Variants in TMC5 observed in about 807,000 individuals in gnomAD.
The protein encoded by TMC5 is transmembrane channel like 5, also known as transmembrane channel-like protein 5.
TMC5 carries 86 observed loss-of-function variants against 110.5 expected under a neutral mutation model. The observed-to-expected ratio is 0.78, with a 90% confidence interval of 0.65 to 0.93. TMC5 has a LOEUF of 0.93. Among genes scored for constraint, TMC5 ranks in the 40% least tolerant of loss-of-function variants. TMC5 has a pLI of 0.00. For missense variants in TMC5, 1,144 were observed against 1,222.8 expected (o/e 0.94, Z 0.96); for synonymous variants, 455 against 439.5 (o/e 1.04, Z -0.44).
At chr16:19,424,710 A>G (rs1222700095) in intron 1 of TMC5, among the ~76,000 whole-genome samples, 1 of 152,166 alleles carries the variant, frequency 6.6e-6, no homozygotes, top group Non-Finnish European at 1.5e-5. Flanking sequence ...TACACAGGGT[A>G]AGTTCCAGAA....
At chr16:19,415,163 T>C (rs1179246655), upstream of TMC5, among the ~76,000 whole-genome samples, 1 of 152,198 alleles carries the variant, frequency 6.6e-6, no homozygotes, top group African/African-American at 2.4e-5. Flanking sequence ...TAATTACAGT[T>C]TATAGGGCAT....
At chr16:19,452,549 T>A (rs1967773515) in intron 5 of TMC5, among the ~76,000 whole-genome samples, 1 of 151,538 alleles carries the variant, frequency 6.6e-6, no homozygotes, top group African/African-American at 2.4e-5. Flanking sequence ...AAACCCCGTC[T>A]CTACTAAAAA....
chr16:19,479,234 AC>A (rs1268566781), intron 13 of TMC5, among the ~76,000 whole-genome samples, 196 bp from the exon 14 acceptor site: 1 of 152,098 alleles, frequency 6.6e-6, no homozygotes, highest in Admixed American at 6.6e-5. Flanking sequence ...AAAGAAGGAA[AC>A]CCAAAAGAGA....
intron 1 of TMC5, chr16:19,411,348 C>T (rs1331188374): frequency 6.6e-6 from 1 of 152,160 alleles, no homozygotes; most frequent in Non-Finnish European, 1.5e-5. Flanking sequence ...AGACTTCCCT[C>T]ACAGAGATTC....
chr16:19,463,684 A>G (rs1392130511), intron 7 of TMC5, 92 bp from the exon 8 acceptor site: 1 of 1,462,328 alleles, frequency 6.8e-7, no homozygotes, highest in Non-Finnish European at 9.3e-7. Flanking sequence ...AATACTCCAG[A>G]CATGGTGGCT....
intron 12 of TMC5, 78 bp from the exon 13 acceptor site, chr16:19,477,362 T>G (rs1363254639): frequency 9.4e-7 from 1 of 1,066,442 alleles, no homozygotes; most frequent in African/African-American, 1.6e-5. Context: ...TCTTACCATG[T>G]GCCCCAAAGG....
At chr16:19,488,102 C>T (rs77606876) in intron 17 of TMC5, among the ~76,000 whole-genome samples, 6,750 of 151,844 alleles carry the variant, frequency 0.044, 265 homozygotes, top group East Asian at 0.18. Context: ...ATAAAGGGGG[C>T]GGTTGCGGGT....
At chr16:19,468,349 C>T (rs1968240210) in intron 9 of TMC5, among the ~76,000 whole-genome samples, 1 of 152,128 alleles carries the variant, frequency 6.6e-6, no homozygotes, top group Non-Finnish European at 1.5e-5. Flanking sequence ...TCTTGTGCAG[C>T]ATTTTTGTGT....
At chr16:19,475,403 CAG>C (rs1428278792) in intron 12 of TMC5, among the ~76,000 whole-genome samples, 1 of 150,774 alleles carries the variant, frequency 6.6e-6, no homozygotes, top group Non-Finnish European at 1.5e-5. Context: ...GCCTGGGTGA[CAG>C]AGAGAGACTC....
chr16:19,477,254 TAAAAA>T (rs370134303), intron 12 of TMC5, among the ~76,000 whole-genome samples, 181 bp from the exon 13 acceptor site: 5 of 145,086 alleles, frequency 3.4e-5, no homozygotes, highest in Admixed American at 6.9e-5. Flanking sequence ...TCTCAAAAAA[TAAAAA>T]AAAAAGAAGT....
At chr16:19,426,753 T>C (rs1230375396) in intron 1 of TMC5, among the ~76,000 whole-genome samples, 1 of 152,200 alleles carries the variant, frequency 6.6e-6, no homozygotes, top group Admixed American at 6.5e-5. Context: ...TTATTGCTTC[T>C]CTTTTCTTTT....
At chr16:19,486,605 G>A (rs774850609) in intron 15 of TMC5, among the ~76,000 whole-genome samples, 5 of 151,004 alleles carry the variant, frequency 3.3e-5, no homozygotes, top group African/African-American at 4.8e-5. Context: ...TTGAACTCCT[G>A]ACCTCAGGTG....
chr16:19,438,898 G>A (rs557568620), intron 2 of TMC5, among the ~76,000 whole-genome samples: 14 of 152,362 alleles, frequency 9.2e-5, no homozygotes, highest in Admixed American at 3.3e-4. Context: ...AGCCAGAATA[G>A]GTTCTGAGGG....
chr16:19,426,357 G>A (rs538876293), intron 1 of TMC5, among the ~76,000 whole-genome samples: 62 of 152,156 alleles, frequency 4.1e-4, no homozygotes, highest in Non-Finnish European at 5.7e-4. Flanking sequence ...CAGACCCGGT[G>A]GTAGAGAATA....
chr16:19,471,141 T>C (rs1454200651), intron 10 of TMC5, among the ~76,000 whole-genome samples: 3 of 152,036 alleles, frequency 2.0e-5, no homozygotes, highest in East Asian at 1.9e-4. Flanking sequence ...CAAGCTGGAG[T>C]GCAGTGGTGC....
chr16:19,466,280 T>C (rs774386225), intron 9 of TMC5, 47 bp downstream of exon 9: 1 of 1,600,978 alleles, frequency 6.2e-7, no homozygotes, highest in South Asian at 1.1e-5. Context: ...ATGTTAGATT[T>C]CAGCAAAAAT....
At chr16:19,465,944 C>T in intron 8 of TMC5, 138 bp from the exon 9 acceptor site, 1 of 808,292 alleles carries the variant, frequency 1.2e-6, no homozygotes, top group Non-Finnish European at 1.8e-6. Context: ...TTCTCAGTGC[C>T]CCTTTCCTGG....
intron 5 of TMC5, among the ~76,000 whole-genome samples, chr16:19,456,100 G>T (rs1967862470): frequency 6.6e-6 from 1 of 151,844 alleles, no homozygotes; most frequent in Non-Finnish European, 1.5e-5. Context: ...CCAGCTACTT[G>T]GGAGGCTGAG....
intron 1 of TMC5, among the ~76,000 whole-genome samples, chr16:19,419,296 T>C (rs986232581): frequency 6.7e-6 from 1 of 149,226 alleles, no homozygotes; most frequent in African/African-American, 2.6e-5. Context: ...TTCATGCTTA[T>C]TACTGTTGTT....
Sources: gnomAD v4.1 joint callset for allele counts (sites outside exome capture counted in the v4.1 genomes callset) on GRCh38, gnomAD v4.1.1 for gene constraint, MANE v1.5 for transcripts, NCBI Gene and HGNC (gene_info 2026-07-23, HGNC 2026-07-21) for gene names.